The following TAFA5 variants were observed in gnomAD, a reference collection of about 807,000 sequenced individuals.
The protein encoded by TAFA5 is TAFA chemokine like family member 5.
TAFA5 carries 6 observed loss-of-function variants against 15.3 expected under a neutral mutation model. That is an observed-to-expected ratio of 0.39 (90% CI 0.21 to 0.77). The LOEUF is 0.77. Among genes scored for constraint, TAFA5 ranks in the 30% least tolerant of loss-of-function variants. The probability of loss-of-function intolerance (pLI) is 0.41; values close to 1 mark genes in which losing one functional copy is unlikely to be tolerated. For synonymous variants in TAFA5, 103 were observed against 80.7 expected, an observed-to-expected ratio of 1.28 and a Z score of -1.48; for missense variants, 161 against 193.1, an observed-to-expected ratio of 0.83 and a Z score of 0.98.
At chr22:48,583,917 C>T (rs1384731512) in intron 1 of TAFA5, among the ~76,000 whole-genome samples, 6 of 129,898 alleles carry the variant, frequency 4.6e-5, no homozygotes, top group African/African-American at 1.4e-4. Flanking sequence ...AAACCTCATA[C>T]ACCACACACA....
At position 48,742,560 on chromosome 22, in the gene TAFA5, C is replaced by T. The variant is rs889375129; in HGVS notation, c.391-7279C>T. Among the ~76,000 whole-genome samples the T allele has an allele frequency of 1.3e-5, 2 of 151,992 alleles. No individual in the cohort carries two copies. Among genetic ancestry groups the T allele is most frequent in the African/African-American group, 4.8e-5 (2 of 41,370 alleles). On this transcript the variant is annotated intron_variant, in intron 3 of 3. Coordinates refer to ENST00000402357, the MANE Select transcript of TAFA5 (RefSeq NM_001082967.3). The surrounding 1 kb of genome is among the most constrained non-coding windows in gnomAD (Gnocchi z 6.2). ...GGACCCGGCCGCATGGTGGACCAGG[C>T]AACGTGGTAGACTGGGCAGCGTGAT...
At chr22:48,724,837 C>G (rs1569095270) in intron 3 of TAFA5, among the ~76,000 whole-genome samples, 1 of 152,236 alleles carries the variant, frequency 6.6e-6, no homozygotes, top group Non-Finnish European at 1.5e-5. Flanking sequence ...GGGGGCATCC[C>G]CTGCTCGGTC....
intron 1 of TAFA5, among the ~76,000 whole-genome samples, chr22:48,586,477 C>CGAG (rs1422211611): frequency 6.6e-6 from 1 of 152,156 alleles, no homozygotes; most frequent in Non-Finnish European, 1.5e-5. Context: ...AGTGGAAGCC[C>CGAG]GAGGACTTCC....
intron 1 of TAFA5, among the ~76,000 whole-genome samples, chr22:48,629,088 G>C (rs536274828): frequency 1.1e-4 from 16 of 152,192 alleles, no homozygotes; most frequent in Non-Finnish European, 2.2e-4. Flanking sequence ...GCGGCCTCCT[G>C]AAGGAAGGGA....
At chr22:48,662,999 G>T (rs1927498365) in intron 2 of TAFA5, among the ~76,000 whole-genome samples, 1 of 152,206 alleles carries the variant, frequency 6.6e-6, no homozygotes, top group Non-Finnish European at 1.5e-5. Flanking sequence ...CCTCCCACAG[G>T]AGCAGAGCCT....
intron 1 of TAFA5, among the ~76,000 whole-genome samples, chr22:48,631,833 G>A (rs73429940): frequency 1.2e-3 from 177 of 152,256 alleles, no homozygotes; most frequent in African/African-American, 4.1e-3. Context: ...AGGGGGCCTA[G>A]GGGGCAGCTG....
chr22:48,714,945 C>G (rs1312945412), intron 3 of TAFA5, among the ~76,000 whole-genome samples: 1 of 152,212 alleles, frequency 6.6e-6, no homozygotes, highest in Non-Finnish European at 1.5e-5. Context: ...CTGCATCCGT[C>G]TTCATGGGGC....
intron 2 of TAFA5, among the ~76,000 whole-genome samples, chr22:48,680,564 G>T (rs1375277534): frequency 1.3e-5 from 2 of 152,156 alleles, no homozygotes; most frequent in East Asian, 3.9e-4. Context: ...GAGGCAGGAG[G>T]AGCTGAGGGA....
At chr22:48,633,958 G>A (rs551201957) in intron 1 of TAFA5, among the ~76,000 whole-genome samples, 6 of 152,286 alleles carry the variant, frequency 3.9e-5, no homozygotes, top group East Asian at 1.9e-4. Flanking sequence ...AGGCCCCCAC[G>A]CTTTCCAGGG....
intron 2 of TAFA5, among the ~76,000 whole-genome samples, chr22:48,656,089 G>T (rs1927234343): frequency 1.3e-5 from 2 of 151,592 alleles, no homozygotes; most frequent in African/African-American, 4.8e-5. Context: ...TGATCCATCT[G>T]CCTCGGTCTC....
intron 1 of TAFA5, among the ~76,000 whole-genome samples, chr22:48,570,033 AC>A (rs745530822): frequency 6.6e-6 from 1 of 151,956 alleles, no homozygotes; most frequent in African/African-American, 2.4e-5. Flanking sequence ...CGTGCAGATC[AC>A]CCCTCTTTCT....
At chr22:48,524,956 C>T (rs1050261430) in intron 1 of TAFA5, among the ~76,000 whole-genome samples, 1 of 152,092 alleles carries the variant, frequency 6.6e-6, no homozygotes, top group Admixed American at 6.5e-5. Flanking sequence ...TGTGCCTGGC[C>T]CTTTCTCCTG....
intron 2 of TAFA5, among the ~76,000 whole-genome samples, chr22:48,694,682 C>T (rs1268379754): frequency 5.9e-5 from 9 of 152,112 alleles, no homozygotes; most frequent in African/African-American, 9.7e-5. Context: ...TCTGTGTCCC[C>T]GGGCCACAGT....
chr22:48,499,152 A>C (rs956839341), intron 1 of TAFA5, among the ~76,000 whole-genome samples: 6 of 152,194 alleles, frequency 3.9e-5, no homozygotes, highest in African/African-American at 1.4e-4. Flanking sequence ...CAGAGCTTGG[A>C]ATCAGCGCAG....
intron 3 of TAFA5, among the ~76,000 whole-genome samples, chr22:48,725,894 GGAAA>G (rs534121033): frequency 3.9e-5 from 6 of 152,070 alleles, no homozygotes; most frequent in Non-Finnish European, 8.8e-5. Flanking sequence ...CCATAGTGTT[GGAAA>G]GAAAGTTACT....
At chr22:48,512,443 C>T (rs1327901604) in intron 1 of TAFA5, among the ~76,000 whole-genome samples, 1 of 151,862 alleles carries the variant, frequency 6.6e-6, no homozygotes, top group Admixed American at 6.6e-5. Context: ...CCTGTCTCTA[C>T]TAAAAATACA....
At chr22:48,601,222 T>G (rs772795890) in intron 1 of TAFA5, among the ~76,000 whole-genome samples, 1 of 144,882 alleles carries the variant, frequency 6.9e-6, no homozygotes, top group Non-Finnish European at 1.5e-5. Flanking sequence ...AGTTCCAGCA[T>G]CCGCTGGGGG....
chr22:48,546,428 G>T, intron 1 of TAFA5: 1 of 465,044 alleles, frequency 2.2e-6, no homozygotes, highest in Non-Finnish European at 4.5e-6. Flanking sequence ...AGTGACCATC[G>T]GACACTGCCC....
At chr22:48,706,621 A>G (rs1352667887) in intron 2 of TAFA5, among the ~76,000 whole-genome samples, 1 of 152,234 alleles carries the variant, frequency 6.6e-6, no homozygotes, top group Non-Finnish European at 1.5e-5. Context: ...TGTGTATATA[A>G]GTGTGCATGT....
Sources: allele counts gnomAD v4.1 joint callset (sites outside exome capture counted in the v4.1 genomes callset), GRCh38; gene constraint gnomAD v4.1.1; non-coding constraint Gnocchi (gnomAD v3.1); transcripts MANE v1.5; gene names NCBI Gene and HGNC (gene_info 2026-07-23, HGNC 2026-07-21).